The following PRKACB variants were observed in gnomAD, a reference collection of about 807,000 sequenced individuals.
PRKACB encodes cAMP-dependent protein kinase catalytic subunit beta.
PRKACB carries 16 observed loss-of-function variants against 51.4 expected under a neutral mutation model. That is an observed-to-expected ratio of 0.31 (90% confidence interval 0.21 to 0.47). PRKACB has a LOEUF of 0.47. Among genes scored for constraint, PRKACB ranks in the 20% least tolerant of loss-of-function variants. The pLI is 1.00. For synonymous variants in PRKACB, 147 were observed against 154.4 expected, an observed-to-expected ratio of 0.95 and a Z score of 0.35; for missense variants, 309 against 464.5, an observed-to-expected ratio of 0.67 and a Z score of 3.08.
intron 5 of PRKACB, among the ~76,000 whole-genome samples, chr1:84,189,210 A>C (rs536149343): frequency 2.6e-5 from 4 of 151,976 alleles, no homozygotes; most frequent in African/African-American, 9.6e-5. Flanking sequence ...AGACACAGGA[A>C]GAATGTGTCC....
chr1:84,130,189 CAAAAA>C (rs71097833), intron 1 of PRKACB, among the ~76,000 whole-genome samples: 5 of 56,182 alleles, frequency 8.9e-5, no homozygotes, highest in East Asian at 1.2e-3. Context: ...GACTCCGTCT[CAAAAA>C]AAAAAAAAAA....
rs150166209 is a variant in PRKACB at position 84,216,281 on chromosome 1, G to C, written c.1071+1964G>C. Among the ~76,000 whole-genome samples, 706 of 152,208 alleles carry C rather than the reference G, an allele frequency of 4.6e-3. 8 individuals are homozygous for C. Among genetic ancestry groups the C allele is most frequent in the East Asian group, 0.042 (217 of 5,184 alleles). On this transcript the variant is annotated intron_variant, in intron 9 of 9. Coordinates refer to ENST00000370685, the MANE Select transcript of PRKACB (RefSeq NM_182948.4). ...TTGAGCCTGGGAGATTGGGGCTACGGTGAGCTGTGATTATGCCACTGCACT... is the reference window on the plus strand; with the variant it reads ...TTGAGCCTGGGAGATTGGGGCTACGCTGAGCTGTGATTATGCCACTGCACT...
chr1:84,188,173 G>GT (rs894186607), intron 5 of PRKACB, among the ~76,000 whole-genome samples: 63 of 150,872 alleles, frequency 4.2e-4, no homozygotes, highest in African/African-American at 1.4e-3. Context: ...AAAGAGATAA[G>GT]TTTTTTTAAA....
intron 8 of PRKACB, chr1:84,205,176 C>T: frequency 2.0e-6 from 2 of 983,796 alleles, no homozygotes; most frequent in Non-Finnish European, 2.4e-6. Context: ...ATCTCTTACT[C>T]CCTTTACTCA....
chr1:84,230,004 G>T (rs1558345857), intron 9 of PRKACB, among the ~76,000 whole-genome samples: 1 of 150,708 alleles, frequency 6.6e-6, no homozygotes, highest in Non-Finnish European at 1.5e-5. Flanking sequence ...TGAAGTCCTT[G>T]CCCATGCCTA....
At chr1:84,229,031 C>T (rs1408424867) in intron 9 of PRKACB, among the ~76,000 whole-genome samples, 10 of 148,530 alleles carry the variant, frequency 6.7e-5, no homozygotes, top group Admixed American at 5.4e-4. Context: ...GCTGCACCCA[C>T]TAACTCGTCA....
chr1:84,117,889 T>C (rs1303088356), intron 1 of PRKACB, among the ~76,000 whole-genome samples: 5 of 152,204 alleles, frequency 3.3e-5, no homozygotes, highest in Non-Finnish European at 7.3e-5. Context: ...TGTTAATTTG[T>C]AATCTTTCTA....
chr1:84,176,463 A>G (rs1481061895), intron 1 of PRKACB, among the ~76,000 whole-genome samples: 1 of 151,856 alleles, frequency 6.6e-6, no homozygotes, highest in Non-Finnish European at 1.5e-5. Context: ...TATATTGTGA[A>G]ATATTTTATT....
intron 9 of PRKACB, among the ~76,000 whole-genome samples, chr1:84,221,441 A>C (rs12027198): frequency 0.2 from 30,237 of 149,450 alleles, 3,222 homozygotes; most frequent in Middle Eastern, 0.3. Flanking sequence ...TATTTCATTT[A>C]GTTGTGCTCT....
chr1:84,184,372 A>G (rs1021291908), intron 4 of PRKACB, among the ~76,000 whole-genome samples: 7 of 151,922 alleles, frequency 4.6e-5, no homozygotes, highest in African/African-American at 1.7e-4. Flanking sequence ...TGGTATTACA[A>G]AAAGAAATAT....
chr1:84,210,044 G>T (rs1671899395), intron 8 of PRKACB, among the ~76,000 whole-genome samples: 1 of 152,130 alleles, frequency 6.6e-6, no homozygotes, highest in African/African-American at 2.4e-5. Flanking sequence ...TATCTCTCCA[G>T]AGACATACTG....
rs529089842 is a variant in PRKACB, at chr1:84,159,760, C to G, written c.187+15212C>G. On this transcript the variant is annotated intron_variant, in intron 1 of 9. Coordinates refer to ENST00000370685, the MANE Select transcript of PRKACB (RefSeq NM_182948.4). ...TGTCCTTTATCAGTTTGAGGAAGTT[C>G]CTTTCTAGTCCTCGTTGTTGAGAGG... 2.6e-5 allele frequency among the ~76,000 whole-genome samples: 4 copies of G among 152,130 alleles called. No homozygotes were observed. The South Asian group carries it at 8.3e-4, about 32-fold the overall frequency.
intron 1 of PRKACB, among the ~76,000 whole-genome samples, chr1:84,079,753 C>T (rs1647376452): frequency 6.6e-6 from 1 of 152,196 alleles, no homozygotes; most frequent in African/African-American, 2.4e-5. Flanking sequence ...GCAACCTCTG[C>T]CTCCCAGGTT....
At chr1:84,119,501 C>G (rs1650886434) in intron 1 of PRKACB, among the ~76,000 whole-genome samples, 1 of 152,066 alleles carries the variant, frequency 6.6e-6, no homozygotes, top group Non-Finnish European at 1.5e-5. Flanking sequence ...CTACAGCTAA[C>G]TTAATGCTAC....
At chr1:84,165,112 C>A in intron 1 of PRKACB, 1 of 976,822 alleles carries the variant, frequency 1.0e-6, no homozygotes, top group Non-Finnish European at 1.5e-6. Flanking sequence ...GCCACAGCTA[C>A]TGTGAATTAT....
chr1:84,104,564 A>C (rs983472324), intron 1 of PRKACB, among the ~76,000 whole-genome samples: 4 of 152,182 alleles, frequency 2.6e-5, no homozygotes, highest in African/African-American at 9.6e-5. Flanking sequence ...ATACTGTTCC[A>C]TAATGGCTGT....
chr1:84,185,081 C>G lies in PRKACB; in HGVS notation c.478-19C>G. On this transcript the variant is annotated intron_variant, in intron 4 of 9. Coordinates refer to ENST00000370685, the MANE Select transcript of PRKACB (RefSeq NM_182948.4). ...TGACCTAAGTTGAATAATTGTATTT[C>G]CTTTTTATTTGTTCATAGGATAATT... 1 of 1,385,458 alleles carries G rather than the reference C, an allele frequency of 7.2e-7. No homozygotes were observed. The highest frequency in any genetic ancestry group is 2.7e-5 in the East Asian group (1 of 37,428). The allele number at this position is 1,385,458 out of a possible 1,614,324, so 85.8% of individuals were successfully genotyped here.
At chr1:84,164,678 C>G (rs931824259) in intron 1 of PRKACB, 2 of 1,389,906 alleles carry the variant, frequency 1.4e-6, no homozygotes, top group African/African-American at 1.5e-5. Flanking sequence ...CATCCTGGTT[C>G]GAACATTTTC....
intron 9 of PRKACB, among the ~76,000 whole-genome samples, 195 bp from the exon 10 acceptor site, chr1:84,234,985 C>T (rs1259221043): frequency 6.6e-6 from 1 of 152,174 alleles, no homozygotes; most frequent in Non-Finnish European, 1.5e-5. Context: ...TGCATACTTC[C>T]TTGAATCAAA....
Sources: gnomAD v4.1 joint callset for allele counts (sites outside exome capture counted in the v4.1 genomes callset) on GRCh38, gnomAD v4.1.1 for gene constraint, MANE v1.5 for transcripts, NCBI Gene and HGNC (gene_info 2026-07-23, HGNC 2026-07-21) for gene names.